Variants in TIGD5 observed in about 807,000 individuals in gnomAD.
TIGD5 encodes tigger transposable element derived 5.
TIGD5 carries 24 observed loss-of-function variants against 28.8 expected under a neutral mutation model. The ratio of observed to expected loss-of-function variants is 0.83; its 90% confidence interval spans 0.60 to 1.17. The LOEUF is 1.17. Ranked by LOEUF, TIGD5 falls within the 50% of genes most tolerant of loss-of-function variation. The pLI, the probability that TIGD5 is intolerant of heterozygous loss-of-function variation, is 0.00. For missense variants in TIGD5, 922 were observed against 911.4 expected (o/e 1.01, Z -0.15); for synonymous variants, 538 against 430.5 (o/e 1.25, Z -3.09).
In TIGD5 at chr8:143,598,490, GC is replaced by G; in HGVS notation, c.591del (p.Ala198ArgfsTer78). On this transcript the variant is annotated frameshift_variant, in exon 1 of 1. Transcript: ENST00000504548. LOFTEE classifies it high-confidence loss of function. This position sits in a 1 kb window ranked among gnomAD's most constrained non-coding sequence, Gnocchi z 6.6. ...GGCGAGGCCGGGCCCCCAGCCCCGA[GC>G]CCCGCGCCCGGCCCGCCCGTCAAGG... is the stretch of plus-strand genomic sequence containing the variant. ...FYGEAGPPAP[S>X]PAPGPPVKEE... The G allele has an allele frequency of 7.2e-7, 1 of 1,381,398 alleles. No homozygotes were observed. Among genetic ancestry groups the G allele is most frequent in the Admixed American group, 3.5e-5 (1 of 28,248 alleles). The allele number at this position is 1,381,398 out of a possible 1,614,324, so 85.6% of individuals were successfully genotyped here.
rs1272173699 is a variant in TIGD5 at position 143,602,171 on chromosome 8, G to A, written c.*2339G>A. The A allele has an allele frequency of 2.0e-5, 3 of 151,838 alleles. No homozygotes were observed. Among genetic ancestry groups the A allele is most frequent in the African/African-American group, 7.3e-5 (3 of 41,334 alleles). The allele number at this position is 151,838 out of a possible 1,614,324, so 9.4% of individuals were successfully genotyped here. A position where few individuals can be genotyped will look rare whatever the true frequency, so the allele number is the denominator to read the frequency against. The stretch of plus-strand genomic sequence containing the variant: ...CCTGTCAAGAGTGGGTCTGCCTGCT[G>A]GCACTTACTAGACGGGAAATACCCC... On this transcript the variant is annotated 3_prime_UTR_variant, in exon 1 of 1. Transcript: ENST00000504548.
In TIGD5 at chr8:143,600,006, C is replaced by A. The variant is rs1010084434; in HGVS notation, c.*174C>A. On this transcript the variant is annotated 3_prime_UTR_variant, in exon 1 of 1. Transcript: ENST00000504548. ...GCTCTGTTGGTGAGAGGTCGCCCTGCCTCACTGGCACCCTGGGGGCACAGC... is the reference window on the plus strand; with the variant it reads ...GCTCTGTTGGTGAGAGGTCGCCCTGACTCACTGGCACCCTGGGGGCACAGC... The A allele has an allele frequency of 1.6e-6, 1 of 631,846 alleles. No homozygotes were observed. Among genetic ancestry groups the A allele is most frequent in the Non-Finnish European group, 2.3e-6 (1 of 427,134 alleles). The allele number at this position is 631,846 out of a possible 1,614,324, so 39.1% of individuals were successfully genotyped here.
At position 143,599,636 on chromosome 8, in the gene TIGD5, C is replaced by T. The variant is rs757129518; in HGVS notation, c.1733C>T (p.Thr578Ile). The T allele has an allele frequency of 2.6e-6, 4 of 1,524,606 alleles. No homozygotes were observed. Among genetic ancestry groups the T allele is most frequent in the Non-Finnish European group, 3.5e-6 (4 of 1,139,014 alleles). 94.4% of individuals were successfully genotyped at this position (1,524,606 alleles called of 1,614,324 possible). The change falls in exon 1 of 1, where the codon ACC becomes ATC. Residue 578 changes from threonine (T) to isoleucine (I), a missense_variant. Transcript: ENST00000504548. ...GGCGGAGAGGACGAGGAGGAGGCCACCGACTATGGAGGGACCTCAGTGCCG... is the reference window on the plus strand; with the variant it reads ...GGCGGAGAGGACGAGGAGGAGGCCATCGACTATGGAGGGACCTCAGTGCCG... ...MGGGEDEEEA[T>I]DYGGTSVPTA...
chr8:143,597,878 C>T lies in TIGD5; in HGVS notation c.-26C>T, dbSNP rs1409366254. 1.0e-5 allele frequency: 8 copies of T among 779,306 alleles called. No individual in the cohort carries two copies. The highest frequency in any genetic ancestry group is 1.1e-5 in the Non-Finnish European group (7 of 644,332). 48.3% of individuals were successfully genotyped at this position (779,306 alleles called of 1,614,324 possible). On this transcript the variant is annotated 5_prime_UTR_variant, in exon 1 of 1. Transcript: ENST00000504548. Reference sequence around the variant, plus strand: ...GGGCGTGTGGCTCCCGCGACCCGCGCGGCCCGGGTCCCCCCCGCCGCAGCC... The same window carrying T: ...GGGCGTGTGGCTCCCGCGACCCGCGTGGCCCGGGTCCCCCCCGCCGCAGCC...
chr8:143,598,005 G>A lies in TIGD5; in HGVS notation c.102G>A (p.Arg34=), dbSNP rs909148070. 64 of 1,270,088 alleles carry A rather than the reference G, an allele frequency of 5.0e-5. No homozygotes were observed. Among genetic ancestry groups the A allele is most frequent in the Non-Finnish European group, 6.1e-5 (61 of 1,006,370 alleles). 78.7% of individuals were successfully genotyped at this position (1,270,088 alleles called of 1,614,324 possible). The change falls in exon 1 of 1, where the codon CGG becomes CGA. Residue 34 remains arginine (R), a synonymous_variant. Coordinates refer to ENST00000504548, the MANE Select transcript of TIGD5 (RefSeq NM_032862.5). The surrounding 1 kb of genome is among the most constrained non-coding windows in gnomAD (Gnocchi z 6.6). The part of the protein sequence containing the change: ...APAPAPVPAA[R]PPPPAPGPRP... ...CCCCAGCCCCCGTCCCCGCTGCACG[G>A]CCGCCGCCCCCCGCGCCCGGGCCGC... is the stretch of plus-strand genomic sequence containing the variant.
chr8:143,598,525 G>A lies in TIGD5; in HGVS notation c.622G>A (p.Ala208Thr). 7.5e-7 allele frequency: 1 copy of A among 1,327,372 alleles called. No homozygotes were observed. The allele number at this position is 1,327,372 out of a possible 1,614,324, so 82.2% of individuals were successfully genotyped here. ...APGPPVKEEPALPSGAGPLPD... is the reference protein window; with the variant it reads ...APGPPVKEEPTLPSGAGPLPD... ...CGGCCCGCCCGTCAAGGAGGAGCCC[G>A]CGCTGCCCTCCGGCGCCGGCCCCCT... The change falls in exon 1 of 1, where the codon GCG (alanine) becomes ACG (threonine). Residue 208 changes from alanine (A) to threonine (T), a missense_variant. Around this residue, in one of 3 missense-constraint regions of TIGD5, gnomAD observed 821 missense variants for 815.2 expected, o/e 1.01. Transcript: ENST00000504548. The surrounding 1 kb of genome is among the most constrained non-coding windows in gnomAD (Gnocchi z 6.6).
At position 143,597,909 on chromosome 8, in the gene TIGD5, C is replaced by A. The variant is rs968095036; in HGVS notation, c.6C>A (p.Tyr2Ter). M[Y>*]PAGPPAGPVP... is the part of the protein sequence containing the mutation. ...GGGTCCCCCCCGCCGCAGCCATGTACCCCGCGGGCCCCCCGGCCGGCCCGG... is the reference window on the plus strand; with the variant it reads ...GGGTCCCCCCCGCCGCAGCCATGTAACCCGCGGGCCCCCCGGCCGGCCCGG... The change falls in exon 1 of 1, where the codon TAC becomes TAA. Residue 2 changes from tyrosine (Y) to a stop codon, truncating the protein, a stop_gained. Transcript: ENST00000504548. LOFTEE classifies it high-confidence loss of function. 2.3e-6 allele frequency: 2 copies of A among 852,008 alleles called. No individual in the cohort carries two copies. The highest frequency in any genetic ancestry group is 2.8e-6 in the Non-Finnish European group (2 of 711,086). 52.8% of individuals were successfully genotyped at this position (852,008 alleles called of 1,614,324 possible). A position where few individuals can be genotyped will look rare whatever the true frequency, so the allele number is the denominator to read the frequency against.
At position 143,598,549 on chromosome 8, in the gene TIGD5, C is replaced by A; in HGVS notation, c.646C>A (p.Leu216Met). ...EPALPSGAGP[L>M]PDRAPAPPPP... ...CGCGCTGCCCTCCGGCGCCGGCCCC[C>A]TGCCCGACCGCGCCCCGGCCCCGCC... The change falls in exon 1 of 1, where the codon CTG becomes ATG. Residue 216 changes from leucine to methionine, a missense_variant. By Grantham distance (15) the Leu-to-Met change is conservative. Around this residue, in one of 3 missense-constraint regions of TIGD5, gnomAD observed 821 missense variants for 815.2 expected, o/e 1.01. Transcript: ENST00000504548. The surrounding 1 kb of genome is among the most constrained non-coding windows in gnomAD (Gnocchi z 6.6). The A allele has an allele frequency of 2.3e-6, 3 of 1,313,452 alleles. No homozygotes were observed. In the African/African-American group the frequency reaches 4.7e-5, roughly 20 times the overall value. 81.4% of individuals were successfully genotyped at this position (1,313,452 alleles called of 1,614,324 possible).
At position 143,599,397 on chromosome 8, in the gene TIGD5, C is replaced by G. The variant is rs772910697; in HGVS notation, c.1494C>G (p.Ala498=). Residue 498 remains alanine (A), a synonymous_variant, in exon 1 of 1, where the codon GCC becomes GCG. Transcript: ENST00000504548. ...RPGEDSAGQP[A]QAEEAAEHSR... is the part of the protein sequence containing the mutation. ...GCGAGGACAGTGCTGGGCAGCCGGCCCAGGCCGAGGAAGCCGCCGAGCACA... is the reference window on the plus strand; with the variant it reads ...GCGAGGACAGTGCTGGGCAGCCGGCGCAGGCCGAGGAAGCCGCCGAGCACA... 6.4e-7 allele frequency: 1 copy of G among 1,567,078 alleles called. No homozygotes were observed. The highest frequency in any genetic ancestry group is 1.2e-5 in the South Asian group (1 of 86,364).
chr8:143,597,949 C>T lies in TIGD5; in HGVS notation c.46C>T (p.Arg16Cys). The change falls in exon 1 of 1, where the codon CGC becomes TGC. Residue 16 changes from arginine to cysteine, a missense_variant. Arg to Cys is a radical substitution (Grantham distance 180). Transcript: ENST00000504548. ...GGCCGGCCCGGTACCGCGCCGCGGCCGCCGTCCCCTGCCCGGGCCCCCCGC... is the reference window on the plus strand; with the variant it reads ...GGCCGGCCCGGTACCGCGCCGCGGCTGCCGTCCCCTGCCCGGGCCCCCCGC... ...PPAGPVPRRGRRPLPGPPAPA... is the reference protein window; with the variant it reads ...PPAGPVPRRGCRPLPGPPAPA... 1.1e-6 allele frequency: 1 copy of T among 884,774 alleles called. No individual in the cohort carries two copies. Among genetic ancestry groups the T allele is most frequent in the Non-Finnish European group, 1.4e-6 (1 of 740,488 alleles). The allele number at this position is 884,774 out of a possible 1,614,324, so 54.8% of individuals were successfully genotyped here. A position where few individuals can be genotyped will look rare whatever the true frequency, so the allele number is the denominator to read the frequency against.
rs767945121 is a variant in TIGD5 at position 143,598,617 on chromosome 8, C to T, written c.714C>T (p.Ser238=). The T allele has an allele frequency of 1.9e-4, 282 of 1,466,936 alleles. 5 individuals carry two copies. The South Asian group carries it at 2.9e-3, about 15-fold the overall frequency. The allele number at this position is 1,466,936 out of a possible 1,614,324, so 90.9% of individuals were successfully genotyped here. The part of the protein sequence containing the change: ...EGGYGDEQIY[S]ASVTGLYWKL... The stretch of plus-strand genomic sequence containing the variant: ...GCTACGGGGACGAGCAGATTTACAG[C>T]GCCAGCGTCACCGGCCTCTACTGGA... Residue 238 remains serine (S), a synonymous_variant, in exon 1 of 1, where the codon AGC becomes AGT. Coordinates refer to ENST00000504548, the MANE Select transcript of TIGD5 (RefSeq NM_032862.5). This position sits in a 1 kb window ranked among gnomAD's most constrained non-coding sequence, Gnocchi z 6.6.
rs1829181071 is a variant in TIGD5 at position 143,598,962 on chromosome 8, C to T, written c.1059C>T (p.Ala353=). The T allele has an allele frequency of 1.9e-6, 3 of 1,580,184 alleles. No individual in the cohort carries two copies. Among genetic ancestry groups the T allele is most frequent in the Non-Finnish European group, 2.6e-6 (3 of 1,171,522 alleles). The change falls in exon 1 of 1, where the codon GCC becomes GCT. Residue 353 remains alanine, a synonymous_variant. Transcript: ENST00000504548. The surrounding 1 kb of genome is among the most constrained non-coding windows in gnomAD (Gnocchi z 6.6). ...GCCGAAGCTGCCTGCAGCAGAAGGC[C>T]GTGCTGCTGGTGGCCCACCCGCCCT... The part of the protein sequence containing the change: ...YLRRSCLQQK[A]VLLVAHPPCP...
chr8:143,598,201 T>C lies in TIGD5; in HGVS notation c.298T>C (p.Trp100Arg), dbSNP rs764702343. Reference sequence around the variant, plus strand: ...GCTCAAGGACGAGCCCAAGCTGCGCTGGTTCCTGGAGCAGCTGGGCGGTGA... The same window carrying C: ...GCTCAAGGACGAGCCCAAGCTGCGCCGGTTCCTGGAGCAGCTGGGCGGTGA... ...GWLKDEPKLR[W>R]FLEQLGGEVG... Residue 100 changes from tryptophan to arginine, a missense_variant, in exon 1 of 1, where the codon TGG (tryptophan) becomes CGG (arginine). Physicochemically the swap from Trp to Arg is moderately radical, Grantham distance 101. Around this residue, in one of 3 missense-constraint regions of TIGD5, gnomAD observed 821 missense variants for 815.2 expected, o/e 1.01. Transcript: ENST00000504548. The surrounding 1 kb of genome is among the most constrained non-coding windows in gnomAD (Gnocchi z 6.6). 3 of 1,607,266 alleles carry C rather than the reference T, an allele frequency of 1.9e-6. No homozygotes were observed. The highest frequency in any genetic ancestry group is 2.5e-6 in the Non-Finnish European group (3 of 1,177,758).
In TIGD5 at chr8:143,599,237, C is replaced by G; in HGVS notation, c.1334C>G (p.Pro445Arg). 2.5e-6 allele frequency: 4 copies of G among 1,611,648 alleles called. No homozygotes were observed. Among genetic ancestry groups the G allele is most frequent in the Non-Finnish European group, 3.4e-6 (4 of 1,179,682 alleles). ...RLAVSCASGS[P>R]LDFMRSFMLK... Reference sequence around the variant, plus strand: ...GCTGTGTCCTGCGCCAGCGGCTCCCCGCTGGACTTCATGCGCAGCTTCATG... The same window carrying G: ...GCTGTGTCCTGCGCCAGCGGCTCCCGGCTGGACTTCATGCGCAGCTTCATG... Residue 445 changes from proline to arginine, a missense_variant, in exon 1 of 1, where the codon CCG (proline) becomes CGG (arginine). Physicochemically the swap from Pro to Arg is moderately radical, Grantham distance 103. Around this residue, in one of 3 missense-constraint regions of TIGD5, gnomAD observed 821 missense variants for 815.2 expected, o/e 1.01. Transcript: ENST00000504548.
chr8:143,599,634 C>T lies in TIGD5; in HGVS notation c.1731C>T (p.Ala577=), dbSNP rs777476172. 8.5e-6 allele frequency: 13 copies of T among 1,524,570 alleles called. No homozygotes were observed. The highest frequency in any genetic ancestry group is 4.4e-5 in the Admixed American group (2 of 45,514). 94.4% of individuals were successfully genotyped at this position (1,524,570 alleles called of 1,614,324 possible). A position where few individuals can be genotyped will look rare whatever the true frequency, so the allele number is the denominator to read the frequency against. Residue 577 remains alanine (A), a synonymous_variant, in exon 1 of 1, where the codon GCC becomes GCT. Coordinates refer to ENST00000504548, the MANE Select transcript of TIGD5 (RefSeq NM_032862.5). Reference sequence around the variant, plus strand: ...GGGGCGGAGAGGACGAGGAGGAGGCCACCGACTATGGAGGGACCTCAGTGC... The same window carrying T: ...GGGGCGGAGAGGACGAGGAGGAGGCTACCGACTATGGAGGGACCTCAGTGC... ...AMGGGEDEEE[A]TDYGGTSVPT...
rs945515334 is a variant in TIGD5, at chr8:143,598,458, C to T, written c.555C>T (p.Arg185=). 5 of 1,469,960 alleles carry T rather than the reference C, an allele frequency of 3.4e-6. No individual in the cohort carries two copies. The African/African-American group carries it at 7.4e-5, about 22-fold the overall frequency. The allele number at this position is 1,469,960 out of a possible 1,614,324, so 91.1% of individuals were successfully genotyped here. ...WQKRHGISSQ[R]FYGEAGPPAP... Reference sequence around the variant, plus strand: ...AGCGCCACGGCATCTCCAGCCAGCGCTTCTACGGCGAGGCCGGGCCCCCAG... The same window carrying T: ...AGCGCCACGGCATCTCCAGCCAGCGTTTCTACGGCGAGGCCGGGCCCCCAG... Residue 185 remains arginine, a synonymous_variant, in exon 1 of 1, where the codon CGC becomes CGT. Coordinates refer to ENST00000504548, the MANE Select transcript of TIGD5 (RefSeq NM_032862.5). The surrounding 1 kb of genome is among the most constrained non-coding windows in gnomAD (Gnocchi z 6.6).
chr8:143,598,700 G>C lies in TIGD5; in HGVS notation c.797G>C (p.Cys266Ser), dbSNP rs1004664830. 6 of 1,501,714 alleles carry C rather than the reference G, an allele frequency of 4.0e-6. No homozygotes were observed. Among genetic ancestry groups the C allele is most frequent in the Non-Finnish European group, 5.3e-6 (6 of 1,135,022 alleles). The allele number at this position is 1,501,714 out of a possible 1,614,324, so 93.0% of individuals were successfully genotyped here. The stretch of plus-strand genomic sequence containing the variant: ...GCAGGGGACCCCGGGGCGGGGGGCT[G>C]TGGCCGGCGCTGGCGGGGCGACCGC... Reference protein sequence around the residue: ...PGAGDPGAGGCGRRWRGDRVT... With the variant: ...PGAGDPGAGGSGRRWRGDRVT... The change falls in exon 1 of 1, where the codon TGT becomes TCT. Residue 266 changes from cysteine to serine, a missense_variant. By Grantham distance (112) the Cys-to-Ser change is moderately radical. This residue lies in a region of TIGD5 where 821 missense variants were observed against 815.2 expected (regional missense o/e 1.01). Transcript: ENST00000504548. This position sits in a 1 kb window ranked among gnomAD's most constrained non-coding sequence, Gnocchi z 6.6.
Position 143,597,831 on chromosome 8 carries a change from G to A in TIGD5, c.-73G>A. On this transcript the variant is annotated 5_prime_UTR_variant, in exon 1 of 1. Transcript: ENST00000504548. ...GAGGGACCCGTGCGGCCCCGCCCCCGAGTGCCCCGCCCCGAGCGGCTGGGC... is the reference window on the plus strand; with the variant it reads ...GAGGGACCCGTGCGGCCCCGCCCCCAAGTGCCCCGCCCCGAGCGGCTGGGC... 1 of 204,562 alleles carries A rather than the reference G, an allele frequency of 4.9e-6. No individual in the cohort carries two copies. Among genetic ancestry groups the A allele is most frequent in the Non-Finnish European group, 8.3e-6 (1 of 120,094 alleles). 12.7% of individuals were successfully genotyped at this position (204,562 alleles called of 1,614,324 possible).
chr8:143,598,194 G>T lies in TIGD5; in HGVS notation c.291G>T (p.Lys97Asn). ...GCGGCTGGCTCAAGGACGAGCCCAAGCTGCGCTGGTTCCTGGAGCAGCTGG... is the reference window on the plus strand; with the variant it reads ...GCGGCTGGCTCAAGGACGAGCCCAATCTGCGCTGGTTCCTGGAGCAGCTGG... ...TLRGWLKDEPKLRWFLEQLGG... is the reference protein window; with the variant it reads ...TLRGWLKDEPNLRWFLEQLGG... Residue 97 changes from lysine to asparagine, a missense_variant, in exon 1 of 1, where the codon AAG becomes AAT. By Grantham distance (94) the Lys-to-Asn change is moderately conservative (BLOSUM62 0). Coordinates refer to ENST00000504548, the MANE Select transcript of TIGD5 (RefSeq NM_032862.5). This position sits in a 1 kb window ranked among gnomAD's most constrained non-coding sequence, Gnocchi z 6.6. 6.2e-7 allele frequency: 1 copy of T among 1,606,374 alleles called. No individual in the cohort carries two copies. Among genetic ancestry groups the T allele is most frequent in the Non-Finnish European group, 8.5e-7 (1 of 1,177,368 alleles).
Sources: gnomAD v4.1 joint callset for allele counts on GRCh38, gnomAD v4.1.1 for gene constraint, gnomAD v4.1.1 regional missense constraint, Gnocchi (gnomAD v3.1) non-coding constraint, MANE v1.5 for transcripts, NCBI Gene and HGNC (gene_info 2026-07-23, HGNC 2026-07-21) for gene names.